The following PRUNE2 variants were observed in gnomAD, a reference collection of about 807,000 sequenced individuals.
The protein encoded by PRUNE2 is protein prune homolog 2.
Under a neutral mutation model 252.0 loss-of-function variants are expected in PRUNE2, and 164 were observed. The observed-to-expected ratio is 0.65, with a 90% CI of 0.57 to 0.74. The LOEUF (loss-of-function observed/expected upper bound fraction) is 0.74, where lower values mean the gene tolerates loss of function less well. PRUNE2 is among the 30% of genes least tolerant of loss of function. PRUNE2 has a pLI of 0.00. For missense variants in PRUNE2, 3,495 were observed against 3,711.0 expected (o/e 0.94, Z 1.51); for synonymous variants, 1,292 against 1,350.2 (o/e 0.96, Z 0.94).
At chr9:76,729,784 A>C (rs916755082) in intron 6 of PRUNE2, among the ~76,000 whole-genome samples, 22 of 152,164 alleles carry the variant, frequency 1.4e-4, no homozygotes, top group Admixed American at 1.4e-3. Flanking sequence ...ATTTAAAAGC[A>C]TGGGTTTATA....
chr9:76,713,517 C>A (rs766536988), intron 7 of PRUNE2, 46 bp downstream of exon 7: 1 of 1,517,028 alleles, frequency 6.6e-7, no homozygotes, highest in South Asian at 1.3e-5. Flanking sequence ...TGAGAGCCAG[C>A]AGGTTAGGAC....
At chr9:76,734,805 C>T (rs1312990140) in intron 6 of PRUNE2, among the ~76,000 whole-genome samples, 1 of 152,160 alleles carries the variant, frequency 6.6e-6, no homozygotes, top group Non-Finnish European at 1.5e-5. Context: ...GTGATGGTTT[C>T]AGGAATAACA....
chr9:76,626,784 C>T (rs1032583996), intron 16 of PRUNE2, among the ~76,000 whole-genome samples: 4 of 152,216 alleles, frequency 2.6e-5, no homozygotes, highest in Admixed American at 2.6e-4. Flanking sequence ...ACCCTGTTTG[C>T]ATTCAACCCT....
chr9:76,843,474 T>C (rs999273149), intron 4 of PRUNE2, among the ~76,000 whole-genome samples: 1 of 152,128 alleles, frequency 6.6e-6, no homozygotes, highest in African/African-American at 2.4e-5. Context: ...GGTATAATTT[T>C]AAAAAAGTTC....
intron 6 of PRUNE2, among the ~76,000 whole-genome samples, chr9:76,815,835 T>C (rs2057655896): frequency 6.6e-6 from 1 of 152,076 alleles, no homozygotes; most frequent in Non-Finnish European, 1.5e-5. Context: ...AAACATCAAG[T>C]TGTCTCCAAC....
intron 6 of PRUNE2, chr9:76,736,400 G>C (rs899351680): frequency 6.6e-6 from 1 of 152,162 alleles, no homozygotes; most frequent in Non-Finnish European, 1.5e-5. Flanking sequence ...ATGAACAGAA[G>C]GTAAATAATT....
At chr9:76,653,882 G>C (rs1588194120) in intron 10 of PRUNE2, among the ~76,000 whole-genome samples, 1 of 152,232 alleles carries the variant, frequency 6.6e-6, no homozygotes, top group South Asian at 2.1e-4. Flanking sequence ...CCGCTCAGCT[G>C]CCTTTCATTT....
chr9:76,615,969 C>T (rs983412022), intron 18 of PRUNE2, among the ~76,000 whole-genome samples: 2 of 151,912 alleles, frequency 1.3e-5, no homozygotes, highest in African/African-American at 4.8e-5. Flanking sequence ...GGGGTTTCAC[C>T]CTGTTGGCCA....
In PRUNE2 at chr9:76,710,639, G is replaced by A. The variant is rs749681575; in HGVS notation, c.1635C>T (p.Asn545=). The A allele has an allele frequency of 3.1e-6, 5 of 1,613,028 alleles. No individual in the cohort carries two copies. The Admixed American group carries it at 8.3e-5, about 27-fold the overall frequency. ...GPEGLDGMGT[N]MSNYSSSSLL... ...GTGAACTGGATGAATAATTAGACAT[G>A]TTGGTTCCCATGCCATCAAGTCCTT... The change falls in exon 8 of 19, where the codon AAC becomes AAT. Residue 545 remains asparagine (N), a synonymous_variant. Coordinates refer to ENST00000376718, the MANE Select transcript of PRUNE2 (RefSeq NM_015225.3).
intron 1 of PRUNE2, among the ~76,000 whole-genome samples, chr9:76,894,159 T>C (rs2062665662): frequency 6.6e-6 from 1 of 152,128 alleles, no homozygotes; most frequent in Non-Finnish European, 1.5e-5. Context: ...TGAATCAAAG[T>C]TGTAAATTAA....
At position 76,677,789 on chromosome 9, in the gene PRUNE2, C is replaced by T. The variant is rs571891272; in HGVS notation, c.8277-22287G>A. 3.6e-4 allele frequency among the ~76,000 whole-genome samples: 55 copies of T among 152,290 alleles called. No homozygotes were observed. The South Asian group carries it at 0.011, about 30-fold the overall frequency. Reference sequence around the variant, plus strand: ...TGGAGAAGTCCAGGAAGCAGGCCTGCTGCAAGATCCGGGCAAATTCCTGGA... The same window carrying T: ...TGGAGAAGTCCAGGAAGCAGGCCTGTTGCAAGATCCGGGCAAATTCCTGGA... On this transcript the variant is annotated intron_variant, in intron 9 of 18. Transcript: ENST00000376718.
intron 6 of PRUNE2, among the ~76,000 whole-genome samples, chr9:76,729,048 T>C (rs1380522758): frequency 2.0e-5 from 3 of 152,190 alleles, no homozygotes; most frequent in South Asian, 4.1e-4. Context: ...ATGTTAGAAA[T>C]AGTCCTTTTT....
At chr9:76,789,096 A>T (rs1178445497) in intron 6 of PRUNE2, among the ~76,000 whole-genome samples, 1 of 152,168 alleles carries the variant, frequency 6.6e-6, no homozygotes, top group Non-Finnish European at 1.5e-5. Flanking sequence ...ATATGTTTAC[A>T]TTTTTGTGAA....
intron 2 of PRUNE2, among the ~76,000 whole-genome samples, chr9:76,852,948 G>C (rs73653230): frequency 0.12 from 17,572 of 151,786 alleles, 1,571 homozygotes; most frequent in African/African-American, 0.25. Context: ...ATATCATTTT[G>C]AAGTCCACGC....
intron 6 of PRUNE2, among the ~76,000 whole-genome samples, chr9:76,729,881 A>C (rs2048414980): frequency 6.6e-6 from 1 of 152,168 alleles, no homozygotes; most frequent in Admixed American, 6.5e-5. Context: ...TGGAATAAAA[A>C]CTTAGACATA....
intron 6 of PRUNE2, among the ~76,000 whole-genome samples, chr9:76,742,401 C>T (rs2049714916): frequency 6.6e-6 from 1 of 152,050 alleles, no homozygotes. Flanking sequence ...ATTACCTGAA[C>T]CCAGGAGTTC....
At chr9:76,644,306 T>A (rs901074360) in intron 12 of PRUNE2, among the ~76,000 whole-genome samples, 12 of 151,846 alleles carry the variant, frequency 7.9e-5, no homozygotes, top group African/African-American at 2.4e-4. Flanking sequence ...AAAAAAAAAA[T>A]CCCCAAAGCT....
At chr9:76,677,294 C>T (rs1434009336) in intron 9 of PRUNE2, among the ~76,000 whole-genome samples, 3 of 151,972 alleles carry the variant, frequency 2.0e-5, no homozygotes, top group Non-Finnish European at 4.4e-5. Flanking sequence ...AAAAAAAATT[C>T]ATTATTTTAT....
intron 4 of PRUNE2, among the ~76,000 whole-genome samples, chr9:76,837,475 A>G (rs1385207670): frequency 2.4e-5 from 1 of 42,524 alleles, no homozygotes; most frequent in African/African-American, 1.3e-4. Flanking sequence ...TAATAATAAT[A>G]ATGCTATTAA....
Sources: allele counts gnomAD v4.1 joint callset (sites outside exome capture counted in the v4.1 genomes callset), GRCh38; gene constraint gnomAD v4.1.1; transcripts MANE v1.5; gene names NCBI Gene and HGNC (gene_info 2026-07-23, HGNC 2026-07-21).